BLM: variants seen among roughly 807,000 people sequenced by gnomAD.
BLM encodes the protein BLM RecQ like helicase.
Under a neutral mutation model 135.3 loss-of-function variants are expected in BLM, and 95 were observed. The observed-to-expected ratio is 0.70, with a 90% CI of 0.59 to 0.83. The LOEUF (loss-of-function observed/expected upper bound fraction) is 0.83, where lower values mean the gene tolerates loss of function less well. BLM is among the 40% of genes least tolerant of loss of function. The probability of loss-of-function intolerance (pLI) is 0.00; values close to 1 mark genes in which losing one functional copy is unlikely to be tolerated. For missense variants in BLM, 1,518 were observed against 1,663.9 expected, an observed-to-expected ratio of 0.91 and a Z score of 1.53; for synonymous variants, 520 against 589.2, an observed-to-expected ratio of 0.88 and a Z score of 1.70.
At chr15:90,736,146 A>C (rs533942754) in intron 1 of BLM, among the ~76,000 whole-genome samples, 3 of 152,368 alleles carry the variant, frequency 2.0e-5, no homozygotes, top group Admixed American at 1.3e-4. Flanking sequence ...TGAGGAATGC[A>C]AACTTGTAAA....
intron 1 of BLM, among the ~76,000 whole-genome samples, chr15:90,733,765 G>A (rs1018325770): frequency 6.6e-6 from 1 of 150,990 alleles, no homozygotes; most frequent in African/African-American, 2.5e-5. Flanking sequence ...ACTCTCAAAA[G>A]TTTCCTCATC....
chr15:90,738,189 AG>A (rs1322749176), intron 1 of BLM, among the ~76,000 whole-genome samples: 4 of 152,214 alleles, frequency 2.6e-5, no homozygotes, highest in African/African-American at 9.6e-5. Context: ...AGAAAAGCTC[AG>A]GGCCAGATGG....
At position 90,806,808 on chromosome 15, in the gene BLM, C is replaced by T. The variant is rs537330197; in HGVS notation, c.3752-2329C>T. On this transcript the variant is annotated intron_variant, in intron 19 of 21. Coordinates refer to ENST00000355112, the MANE Select transcript of BLM (RefSeq NM_000057.4). Reference sequence around the variant, plus strand: ...TCTTCATTCCCTCTCCTACGATAATCGGTCATTACAATATTTCACTGACTC... The same window carrying T: ...TCTTCATTCCCTCTCCTACGATAATTGGTCATTACAATATTTCACTGACTC... Among the ~76,000 whole-genome samples, 10 of 152,232 alleles carry T rather than the reference C, an allele frequency of 6.6e-5. No homozygotes were observed. In the East Asian group the frequency reaches 1.2e-3, roughly 18 times the overall value.
intron 6 of BLM, 134 bp downstream of exon 6, chr15:90,760,413 T>C: frequency 7.4e-7 from 1 of 1,343,710 alleles, no homozygotes; most frequent in Non-Finnish European, 1.1e-6. Flanking sequence ...CCACTATGTT[T>C]TTGATTTGTT....
intron 1 of BLM, among the ~76,000 whole-genome samples, chr15:90,729,311 A>AAAAT (rs1232419538): frequency 2.0e-5 from 3 of 152,332 alleles, no homozygotes; most frequent in East Asian, 3.9e-4. Flanking sequence ...ACTCAGTTTC[A>AAAAT]AAATAAATAA....
chr15:90,808,317 C>T (rs1346807796), intron 19 of BLM, among the ~76,000 whole-genome samples: 1 of 152,154 alleles, frequency 6.6e-6, no homozygotes, highest in Non-Finnish European at 1.5e-5. Flanking sequence ...ATTTGAAATC[C>T]ACTCTTTGCT....
chr15:90,809,215 A>G lies in BLM; in HGVS notation c.3830A>G (p.Glu1277Gly). ...GACAAACTGGAAAAATATGGTGCGG[A>G]AGTGATTTCAGTATTACAGAAATAC... ...TEDKLEKYGA[E>G]VISVLQKYSE... Residue 1277 changes from glutamate to glycine, a missense_variant, in exon 20 of 22, where the codon GAA becomes GGA. Glu to Gly is a moderately conservative substitution (Grantham distance 98). Around this residue, in one of 5 missense-constraint regions of BLM, gnomAD observed 153 missense variants for 173.4 expected, o/e 0.88. Transcript: ENST00000355112. 1 of 1,614,224 alleles carries G rather than the reference A, an allele frequency of 6.2e-7. No individual in the cohort carries two copies. The highest frequency in any genetic ancestry group is 8.5e-7 in the Non-Finnish European group (1 of 1,180,042).
At chr15:90,799,702 CAA>C (rs28385123) in intron 17 of BLM, among the ~76,000 whole-genome samples, 23,227 of 148,344 alleles carry the variant, frequency 0.16, 1,902 homozygotes, top group Non-Finnish European at 0.19. Context: ...AAAGACATGT[CAA>C]AGAGGAAAAA....
In BLM at chr15:90,760,699, T is replaced by C. The variant is rs2151158008; in HGVS notation, c.1326T>C (p.Asp442=). 7 of 1,614,104 alleles carry C rather than the reference T, an allele frequency of 4.3e-6. No individual in the cohort carries two copies. Among genetic ancestry groups the C allele is most frequent in the Non-Finnish European group, 5.9e-6 (7 of 1,179,948 alleles). The part of the protein sequence containing the change: ...PDSLDGPMEG[D]SCPTGNSMKE... ...CACTTGATGGCCCTATGGAGGGTGA[T>C]TCCTGCCCTACAGGGAATTCTATGA... is the stretch of plus-strand genomic sequence containing the variant. The change falls in exon 7 of 22, where the codon GAT becomes GAC. Residue 442 remains aspartate, a synonymous_variant. Coordinates refer to ENST00000355112, the MANE Select transcript of BLM (RefSeq NM_000057.4).
chr15:90,773,648 A>T (rs72751834), intron 12 of BLM, among the ~76,000 whole-genome samples: 26,609 of 150,766 alleles, frequency 0.18, 2,404 homozygotes, highest in African/African-American at 0.2. Context: ...CACTTTCCCC[A>T]TTCTTAGGCA....
chr15:90,805,368 G>A (rs534193916), intron 19 of BLM, among the ~76,000 whole-genome samples: 1 of 152,158 alleles, frequency 6.6e-6, no homozygotes, highest in South Asian at 2.1e-4. Flanking sequence ...CTACTCGGGA[G>A]GTTGAGGCAG....
At chr15:90,757,268 C>T (rs1008251968) in intron 5 of BLM, among the ~76,000 whole-genome samples, 2 of 152,184 alleles carry the variant, frequency 1.3e-5, no homozygotes, top group Non-Finnish European at 2.9e-5. Flanking sequence ...CACTTTCCAT[C>T]AGTTCTCTTA....
chr15:90,768,087 T>C (rs898065033), intron 10 of BLM, among the ~76,000 whole-genome samples: 4 of 151,436 alleles, frequency 2.6e-5, no homozygotes, highest in African/African-American at 9.7e-5. Flanking sequence ...GGAATACAGG[T>C]GTGTGCCATG....
chr15:90,755,537 C>G (rs917326944), intron 5 of BLM, among the ~76,000 whole-genome samples: 2 of 151,940 alleles, frequency 1.3e-5, no homozygotes, highest in Non-Finnish European at 2.9e-5. Flanking sequence ...GATAGCAGTG[C>G]AAGACTTTGA....
At chr15:90,745,358 A>G (rs1895472533) in intron 1 of BLM, among the ~76,000 whole-genome samples, 1 of 152,192 alleles carries the variant, frequency 6.6e-6, no homozygotes, top group South Asian at 2.1e-4. Flanking sequence ...AAGAATGAAT[A>G]TCATTTTTTA....
At chr15:90,797,414 C>CA (rs56369282) in intron 16 of BLM, among the ~76,000 whole-genome samples, 1,635 of 109,260 alleles carry the variant, frequency 0.015, 37 homozygotes, top group Non-Finnish European at 0.02. Flanking sequence ...AACTCCATCT[C>CA]AAAAAAAAAA....
rs2151194288 is a variant in BLM at position 90,803,622 on chromosome 15, A to G, written c.3460A>G (p.Ile1154Val). 1 of 1,614,158 alleles carries G rather than the reference A, an allele frequency of 6.2e-7. No individual in the cohort carries two copies. Among genetic ancestry groups the G allele is most frequent in the Non-Finnish European group, 8.5e-7 (1 of 1,180,008 alleles). Residue 1154 changes from isoleucine (I) to valine (V), a missense_variant, in exon 18 of 22, where the codon ATT becomes GTT. Coordinates refer to ENST00000355112, the MANE Select transcript of BLM (RefSeq NM_000057.4). ...TTTTAAAAAGCTGATACTTGACAAG[A>G]TTTTGGATGAAGACTTATATATCAA... ...RLFKKLILDK[I>V]LDEDLYINAN...
intron 19 of BLM, among the ~76,000 whole-genome samples, chr15:90,806,498 G>A (rs547564919): frequency 4.5e-4 from 62 of 138,264 alleles, no homozygotes; most frequent in African/African-American, 1.4e-3. Context: ...GCGACAGAGC[G>A]AGACTCCATC....
At chr15:90,764,808 G>A (rs1433566517) in intron 8 of BLM, among the ~76,000 whole-genome samples, 1 of 152,072 alleles carries the variant, frequency 6.6e-6, no homozygotes, top group East Asian at 1.9e-4. Flanking sequence ...TAGGCCGGGC[G>A]CAGTGGCTTG....
Sources: allele counts gnomAD v4.1 joint callset (sites outside exome capture counted in the v4.1 genomes callset), GRCh38; gene constraint gnomAD v4.1.1; regional missense constraint gnomAD v4.1.1; transcripts MANE v1.5; gene names NCBI Gene and HGNC (gene_info 2026-07-23, HGNC 2026-07-21).